CARF: variants seen among roughly 807,000 people sequenced by gnomAD.
The protein encoded by CARF is calcium responsive transcription factor, also known as calcium-responsive transcription factor.
Under a neutral mutation model 82.0 loss-of-function variants are expected in CARF, and 57 were observed. That is an observed-to-expected ratio of 0.70 (90% CI 0.56 to 0.87). The LOEUF is 0.87. Among genes scored for constraint, CARF ranks in the 40% least tolerant of loss-of-function variants. CARF has a pLI of 0.00. For missense variants in CARF, 771 were observed against 855.8 expected (o/e 0.90, Z 1.24); for synonymous variants, 268 against 290.1 (o/e 0.92, Z 0.77).
rs35376227 is a variant in CARF, at chr2:202,972,674, T to TAAAAAAAAAA, written c.1331+948_1331+957dup. Among the ~76,000 whole-genome samples, 2 of 103,016 alleles carry TAAAAAAAAAA rather than the reference T, an allele frequency of 1.9e-5. 1 individual carries two copies. The highest frequency in any genetic ancestry group is 3.7e-5 in the Non-Finnish European group (2 of 54,438). 67.6% of individuals were successfully genotyped at this position (103,016 alleles called of 152,430 possible). A position where few individuals can be genotyped will look rare whatever the true frequency, so the allele number is the denominator to read the frequency against. Reference sequence around the variant, plus strand: ...CCTGGCTACAGAGCGAGACTCCGTCTAAAAAAAAAAAAAAAAAAAAAGGCA... The same window carrying TAAAAAAAAAA: ...CCTGGCTACAGAGCGAGACTCCGTCTAAAAAAAAAAAAAAAAAAAAAAAAAAAAAAAGGCA... On this transcript the variant is annotated intron_variant, in intron 12 of 16. Coordinates refer to ENST00000438828, the MANE Select transcript of CARF (RefSeq NM_024744.17).
At chr2:202,956,285 T>G (rs1296590851) in intron 8 of CARF, among the ~76,000 whole-genome samples, 1 of 152,138 alleles carries the variant, frequency 6.6e-6, no homozygotes, top group Non-Finnish European at 1.5e-5. Context: ...AGACAGAGTC[T>G]CCCTCTGTCC....
chr2:202,920,210 A>G (rs989170755), intron 2 of CARF, among the ~76,000 whole-genome samples: 2 of 149,574 alleles, frequency 1.3e-5, no homozygotes, highest in African/African-American at 4.9e-5. Context: ...GCTGGAGTGC[A>G]GTAGTGCACT....
intron 13 of CARF, among the ~76,000 whole-genome samples, chr2:202,976,180 C>T (rs1178395910): frequency 6.8e-6 from 1 of 146,444 alleles, no homozygotes; most frequent in East Asian, 2.0e-4. Context: ...TTAACTCATA[C>T]TTTTTTTTTT....
At chr2:202,964,886 T>C (rs1234118376) in intron 9 of CARF, among the ~76,000 whole-genome samples, 2 of 136,596 alleles carry the variant, frequency 1.5e-5, no homozygotes, top group East Asian at 4.0e-4. Flanking sequence ...TATATGTGTA[T>C]ATATATATAT....
chr2:202,935,951 C>T (rs924338501), intron 3 of CARF, among the ~76,000 whole-genome samples: 10 of 151,570 alleles, frequency 6.6e-5, no homozygotes, highest in South Asian at 2.1e-4. Context: ...CAAATAATTA[C>T]GACTACAGAC....
intron 8 of CARF, among the ~76,000 whole-genome samples, chr2:202,960,231 A>G (rs2059244543): frequency 6.6e-6 from 1 of 152,168 alleles, no homozygotes; most frequent in Admixed American, 6.5e-5. Context: ...AAGACCAGAC[A>G]GAAATTTCTC....
At chr2:202,914,735 C>T (rs1298356132) in intron 1 of CARF, among the ~76,000 whole-genome samples, 6 of 144,326 alleles carry the variant, frequency 4.2e-5, no homozygotes, top group Non-Finnish European at 8.9e-5. Flanking sequence ...GCCAAGATCA[C>T]GCCACTTCAC....
At chr2:202,972,185 G>C (rs1474068004) in intron 12 of CARF, among the ~76,000 whole-genome samples, 1 of 151,792 alleles carries the variant, frequency 6.6e-6, no homozygotes, top group Non-Finnish European at 1.5e-5. Context: ...TCTGGTCTAA[G>C]TTTTTTGATC....
At chr2:202,939,246 T>C (rs1463308408) in intron 3 of CARF, among the ~76,000 whole-genome samples, 1 of 152,252 alleles carries the variant, frequency 6.6e-6, no homozygotes, top group African/African-American at 2.4e-5. Flanking sequence ...CTTATATTAA[T>C]TCAACTTATG....
intron 12 of CARF, among the ~76,000 whole-genome samples, chr2:202,972,209 A>G (rs2059816697): frequency 6.6e-6 from 1 of 151,876 alleles, no homozygotes; most frequent in African/African-American, 2.4e-5. Context: ...AGGAAATAAT[A>G]ATAATTATAT....
intron 1 of CARF, among the ~76,000 whole-genome samples, chr2:202,913,662 CTT>C (rs1689078701): frequency 6.6e-6 from 1 of 152,180 alleles, no homozygotes. Flanking sequence ...TTAAATAAGT[CTT>C]GGGCATCTGA....
chr2:202,970,853 ACTTTT>A, intron 11 of CARF, among the ~76,000 whole-genome samples: 1 of 150,216 alleles, frequency 6.7e-6, no homozygotes, highest in Admixed American at 6.6e-5. Flanking sequence ...CCTACCGTCT[ACTTTT>A]CTTTTTTTTT....
At chr2:202,977,356 A>G (rs1407654561) in intron 14 of CARF, 24 bp downstream of exon 14, 1 of 1,540,392 alleles carries the variant, frequency 6.5e-7, no homozygotes, top group South Asian at 1.1e-5. Flanking sequence ...AATACCTTTA[A>G]AATATAAATT....
intron 3 of CARF, among the ~76,000 whole-genome samples, chr2:202,931,452 C>T (rs999971347): frequency 1.1e-4 from 17 of 152,084 alleles, no homozygotes; most frequent in African/African-American, 3.9e-4. Context: ...CATTTTTGAC[C>T]GTGTGAGCAG....
intron 13 of CARF, among the ~76,000 whole-genome samples, chr2:202,974,944 C>CA (rs765879744): frequency 2.6e-5 from 4 of 152,002 alleles, no homozygotes; most frequent in African/African-American, 4.8e-5. Flanking sequence ...TGTAAATACT[C>CA]AATGTTTAGA....
intron 1 of CARF, 114 bp downstream of exon 1, chr2:202,913,216 G>A (rs1688965323): frequency 6.6e-6 from 1 of 152,108 alleles, no homozygotes; most frequent in African/African-American, 2.4e-5. Context: ...TAGAGAATGA[G>A]AAGAGATTTA....
chr2:202,983,592 AC>A lies in CARF; in HGVS notation c.2147del (p.Thr716MetfsTer25). 1 of 1,607,502 alleles carries A rather than the reference AC, an allele frequency of 6.2e-7. No homozygotes were observed. The highest frequency in any genetic ancestry group is 2.2e-5 in the East Asian group (1 of 44,758). ...EPALSMEAKK[T>X]VDYKKLSAT ...AGCATTGTCTATGGAAGCAAAAAAA[AC>A]TGTGGACTATAAGAAATTATCTGCT... On this transcript the variant is annotated frameshift_variant, in exon 17 of 17. Transcript: ENST00000438828. LOFTEE classifies it high-confidence loss of function.
At chr2:202,975,019 T>C (rs1044075561) in intron 13 of CARF, among the ~76,000 whole-genome samples, 1 of 151,438 alleles carries the variant, frequency 6.6e-6, no homozygotes, top group Non-Finnish European at 1.5e-5. Flanking sequence ...AACTCCATAA[T>C]AAAAACACTG....
At chr2:202,957,956 TA>T (rs1559243357) in intron 8 of CARF, among the ~76,000 whole-genome samples, 1 of 151,878 alleles carries the variant, frequency 6.6e-6, no homozygotes, top group East Asian at 1.9e-4. Context: ...AAAAAAAAAT[TA>T]AAAAATAAAA....
Sources: gnomAD v4.1 joint callset for allele counts (sites outside exome capture counted in the v4.1 genomes callset) on GRCh38, gnomAD v4.1.1 for gene constraint, MANE v1.5 for transcripts, NCBI Gene and HGNC (gene_info 2026-07-23, HGNC 2026-07-21) for gene names.